Variants in MTG1 observed in about 807,000 individuals in gnomAD.
MTG1 encodes mitochondrial ribosome-associated GTPase 1.
Under a neutral mutation model 39.5 loss-of-function variants are expected in MTG1, and 30 were observed. That is an observed-to-expected ratio of 0.76 (90% CI 0.57 to 1.03). The LOEUF (loss-of-function observed/expected upper bound fraction) is 1.03. Ranked by LOEUF, MTG1 falls within the 50% of genes least tolerant of loss-of-function variation. The pLI is 0.00. For synonymous variants in MTG1, 217 were observed against 179.0 expected, an observed-to-expected ratio of 1.21 and a Z score of -1.69; for missense variants, 513 against 447.4, an observed-to-expected ratio of 1.15 and a Z score of -1.32.
At chr10:133,404,129 C>CTTTTTTTTTTTTTTTTTTTTTT in intron 9 of MTG1, among the ~76,000 whole-genome samples, 1 of 91,172 alleles carries the variant, frequency 1.1e-5, no homozygotes, top group Non-Finnish European at 2.0e-5. Context: ...AAGTTTTAAT[C>CTTTTTTTTTTTTTTTTTTTTTT]TTTTTTTTTT....
chr10:133,394,187 C>A lies in MTG1; in HGVS notation c.-34C>A. Reference sequence around the variant, plus strand: ...CGGGTCGCAGCGGCGCAGAGGAGGTCAGCTGCGGGAGCGTTTCCGGGGACG... The same window carrying A: ...CGGGTCGCAGCGGCGCAGAGGAGGTAAGCTGCGGGAGCGTTTCCGGGGACG... On this transcript the variant is annotated 5_prime_UTR_variant, in exon 1 of 11. Coordinates refer to ENST00000317502, the MANE Select transcript of MTG1 (RefSeq NM_138384.4). The A allele has an allele frequency of 6.8e-7, 1 of 1,476,488 alleles. No individual in the cohort carries two copies. The highest frequency in any genetic ancestry group is 9.1e-7 in the Non-Finnish European group (1 of 1,104,014). 91.5% of individuals were successfully genotyped at this position (1,476,488 alleles called of 1,614,324 possible).
chr10:133,418,095 C>T (rs1217199047), intron 9 of MTG1, among the ~76,000 whole-genome samples: 1 of 152,232 alleles, frequency 6.6e-6, no homozygotes, highest in Non-Finnish European at 1.5e-5. Flanking sequence ...CCTCCACCTC[C>T]TGGGTTCAAG....
chr10:133,418,860 C>T (rs540347608), intron 9 of MTG1, among the ~76,000 whole-genome samples: 2 of 152,330 alleles, frequency 1.3e-5, no homozygotes, highest in South Asian at 2.1e-4. Context: ...TGGCCTTTCC[C>T]TCCAGGCCTC....
chr10:133,406,698 C>T (rs573433524), intron 9 of MTG1, among the ~76,000 whole-genome samples: 1 of 131,726 alleles, frequency 7.6e-6, no homozygotes, highest in South Asian at 2.6e-4. Flanking sequence ...AGGAGTCTCA[C>T]TGTGTCACCC....
chr10:133,404,272 G>A lies in MTG1; in HGVS notation c.752+1499G>A, dbSNP rs188419831. 4.6e-5 allele frequency among the ~76,000 whole-genome samples: 7 copies of A among 151,476 alleles called. No individual in the cohort carries two copies. In the East Asian group the frequency reaches 5.8e-4, roughly 13 times the overall value. On this transcript the variant is annotated intron_variant, in intron 9 of 10. Coordinates refer to ENST00000317502, the MANE Select transcript of MTG1 (RefSeq NM_138384.4). ...CTCCCAAGTAGCTGAGACTACAGGC[G>A]TGTGCCACCACACATAGCTGATTTT...
Position 133,394,188 on chromosome 10 carries a change from A to T in MTG1, c.-33A>T. 6.8e-7 allele frequency: 1 copy of T among 1,471,450 alleles called. No homozygotes were observed. The highest frequency in any genetic ancestry group is 9.1e-7 in the Non-Finnish European group (1 of 1,099,358). 91.1% of individuals were successfully genotyped at this position (1,471,450 alleles called of 1,614,324 possible). ...GGGTCGCAGCGGCGCAGAGGAGGTC[A>T]GCTGCGGGAGCGTTTCCGGGGACGG... On this transcript the variant is annotated 5_prime_UTR_variant, in exon 1 of 11. Coordinates refer to ENST00000317502, the MANE Select transcript of MTG1 (RefSeq NM_138384.4).
chr10:133,394,252 C>A lies in MTG1; in HGVS notation c.32C>A (p.Ala11Asp), dbSNP rs779226464. The A allele has an allele frequency of 1.3e-6, 2 of 1,518,082 alleles. No homozygotes were observed. The allele number at this position is 1,518,082 out of a possible 1,614,324, so 94.0% of individuals were successfully genotyped here. A position where few individuals can be genotyped will look rare whatever the true frequency, so the allele number is the denominator to read the frequency against. ...TTGACCCCGCGCGCGCTGTGCAGCG[C>A]CGCCCAGGCCGCCTGGCGGGAGAAC... MRLTPRALCS[A>D]AQAAWRENFP... Residue 11 changes from alanine (A) to aspartate (D), a missense_variant, in exon 1 of 11, where the codon GCC (alanine) becomes GAC (aspartate). Transcript: ENST00000317502.
rs1435337802 is a variant in MTG1, at chr10:133,399,313, G to T, written c.420+87G>T. The T allele has an allele frequency of 1.1e-5, 16 of 1,490,936 alleles. No homozygotes were observed. The East Asian group carries it at 2.8e-4, about 26-fold the overall frequency. 92.4% of individuals were successfully genotyped at this position (1,490,936 alleles called of 1,614,324 possible). On this transcript the variant is annotated intron_variant, in intron 5 of 10. Transcript: ENST00000317502. The stretch of plus-strand genomic sequence containing the variant: ...TGCCTGGCCTCTCCAAGGAGAAGGC[G>T]CAGCGCCCCAGGCAGGGAGGCCCCT...
intron 9 of MTG1, among the ~76,000 whole-genome samples, chr10:133,406,823 C>A (rs1414365246): frequency 6.6e-6 from 1 of 152,078 alleles, no homozygotes; most frequent in Non-Finnish European, 1.5e-5. Flanking sequence ...CGCCACCATA[C>A]CTGGCTAAGT....
At chr10:133,405,509 C>T (rs1279421485) in intron 9 of MTG1, among the ~76,000 whole-genome samples, 2 of 152,236 alleles carry the variant, frequency 1.3e-5, no homozygotes, top group African/African-American at 4.8e-5. Context: ...CTCTTCCCCT[C>T]ACCTCTGGTA....
intron 9 of MTG1, among the ~76,000 whole-genome samples, chr10:133,406,823 C>T (rs1414365246): frequency 6.6e-6 from 1 of 152,078 alleles, no homozygotes. Flanking sequence ...CGCCACCATA[C>T]CTGGCTAAGT....
chr10:133,414,618 G>A (rs1251827466), intron 9 of MTG1, among the ~76,000 whole-genome samples: 3 of 151,842 alleles, frequency 2.0e-5, no homozygotes, highest in East Asian at 1.9e-4. Flanking sequence ...TGGCGGCCGG[G>A]AAGAGGCGCT....
chr10:133,409,372 C>T (rs941735020), intron 9 of MTG1, among the ~76,000 whole-genome samples: 15 of 152,060 alleles, frequency 9.9e-5, no homozygotes, highest in African/African-American at 3.6e-4. Flanking sequence ...TTACTGCTTT[C>T]TTGTTTTATT....
intron 3 of MTG1, among the ~76,000 whole-genome samples, chr10:133,397,197 T>A (rs563838386): frequency 6.6e-6 from 1 of 152,306 alleles, no homozygotes; most frequent in African/African-American, 2.4e-5. Flanking sequence ...ACCGAAAGTC[T>A]CTGATAAGCA....
Position 133,396,170 on chromosome 10 carries a change from T to G in MTG1, c.185T>G (p.Leu62Arg), listed in dbSNP as rs1282535124. The G allele has an allele frequency of 6.2e-7, 1 of 1,613,942 alleles. No homozygotes were observed. Among genetic ancestry groups the G allele is most frequent in the East Asian group, 2.2e-5 (1 of 44,880 alleles). The change falls in exon 3 of 11, where the codon CTT (leucine) becomes CGT (arginine). Residue 62 changes from leucine to arginine, a missense_variant. Leu to Arg is a moderately radical substitution (Grantham distance 102). Transcript: ENST00000317502. ...IIEVHDARIP[L>R]SGRNPLFQET... ...TTACCTTAATTTTGCCACATCCCAC[T>G]TTCAGGCCGCAACCCTCTGTTTCAG... is the stretch of plus-strand genomic sequence containing the variant.
In MTG1 at chr10:133,394,256, C is replaced by G; in HGVS notation, c.36C>G (p.Ala12=). ...CCCCGCGCGCGCTGTGCAGCGCCGCCCAGGCCGCCTGGCGGGAGAACTTCC... is the reference window on the plus strand; with the variant it reads ...CCCCGCGCGCGCTGTGCAGCGCCGCGCAGGCCGCCTGGCGGGAGAACTTCC... The part of the protein sequence containing the change: ...RLTPRALCSA[A]QAAWRENFPL... The change falls in exon 1 of 11, where the codon GCC becomes GCG. Residue 12 remains alanine (A), a synonymous_variant. Coordinates refer to ENST00000317502, the MANE Select transcript of MTG1 (RefSeq NM_138384.4). The G allele has an allele frequency of 1.3e-6, 2 of 1,518,108 alleles. No homozygotes were observed. The highest frequency in any genetic ancestry group is 2.2e-4 in the Middle Eastern group (1 of 4,586). 94.0% of individuals were successfully genotyped at this position (1,518,108 alleles called of 1,614,324 possible).
chr10:133,396,802 G>T (rs1291418208), intron 3 of MTG1, among the ~76,000 whole-genome samples: 1 of 152,206 alleles, frequency 6.6e-6, no homozygotes, highest in Non-Finnish European at 1.5e-5. Context: ...ATAGTGAGAC[G>T]TGACAAGTGT....
rs1849895039 is a variant in MTG1, at chr10:133,402,364, G to C, written c.670+119G>C. 1 of 1,197,388 alleles carries C rather than the reference G, an allele frequency of 8.4e-7. No homozygotes were observed. Among genetic ancestry groups the C allele is most frequent in the African/African-American group, 1.5e-5 (1 of 67,248 alleles). 74.2% of individuals were successfully genotyped at this position (1,197,388 alleles called of 1,614,324 possible). On this transcript the variant is annotated intron_variant, in intron 8 of 10. Transcript: ENST00000317502. The surrounding 1 kb of genome is among the most constrained non-coding windows in gnomAD (Gnocchi z 4.7). ...AGTTGTTACTGCCTTTGACCTGGTT[G>C]CTGCCAGACCTTCCTCGAAGCTTAG... is the stretch of plus-strand genomic sequence containing the variant.
chr10:133,398,757 G>A (rs1190517172), intron 4 of MTG1, among the ~76,000 whole-genome samples: 2 of 152,174 alleles, frequency 1.3e-5, no homozygotes, highest in African/African-American at 4.8e-5. Flanking sequence ...GGAGACTCAG[G>A]TAGCTCATGT....
Sources: gnomAD v4.1 joint callset for allele counts (sites outside exome capture counted in the v4.1 genomes callset) on GRCh38, gnomAD v4.1.1 for gene constraint, Gnocchi (gnomAD v3.1) non-coding constraint, MANE v1.5 for transcripts, NCBI Gene and HGNC (gene_info 2026-07-23, HGNC 2026-07-21) for gene names.